Variants in SATL1 observed in about 807,000 individuals in gnomAD.
SATL1 encodes the protein spermidine/spermine N1-acetyl transferase like 1.
In SATL1, 47 loss-of-function variants were observed where a neutral mutation model predicts 51.8. The observed-to-expected ratio is 0.91, with a 90% CI of 0.72 to 1.16. The LOEUF is 1.16. Ranked by LOEUF, SATL1 falls within the 50% of genes most tolerant of loss-of-function variation. SATL1 has a pLI of 0.00. For missense variants in SATL1, 520 were observed against 526.4 expected, an observed-to-expected ratio of 0.99 and a Z score of 0.12; for synonymous variants, 176 against 182.4, an observed-to-expected ratio of 0.97 and a Z score of 0.28.
chrX:85,097,863 G>A (rs764308377), intron 4 of SATL1, among the ~76,000 whole-genome samples: 68 of 111,709 alleles, frequency 6.1e-4, no homozygotes, highest in African/African-American at 2.2e-3. Context: ...GAATCAAAAT[G>A]TTTCACTACA....
intron 2 of SATL1, among the ~76,000 whole-genome samples, chrX:85,194,092 CAT>C (rs1193828872): frequency 1.1e-3 from 124 of 111,908 alleles, no homozygotes; most frequent in African/African-American, 3.8e-3. Flanking sequence ...GAGGAATAAA[CAT>C]AGTACTTTCC....
chrX:85,147,705 G>A (rs1195691850), intron 2 of SATL1, among the ~76,000 whole-genome samples: 1 of 112,002 alleles, frequency 8.9e-6, no homozygotes, highest in Non-Finnish European at 1.9e-5. Flanking sequence ...TGATACCCAG[G>A]GAAACAGGGT....
chrX:85,197,396 C>A (rs1266284096), intron 2 of SATL1, among the ~76,000 whole-genome samples: 2 of 110,698 alleles, frequency 1.8e-5, no homozygotes. Context: ...TATTAATACC[C>A]TTTTAGTTAT....
At chrX:85,241,412 A>T (rs1016305067) in intron 1 of SATL1, among the ~76,000 whole-genome samples, 11 of 111,672 alleles carry the variant, frequency 9.9e-5, no homozygotes, top group African/African-American at 3.3e-4. Flanking sequence ...CTCCACATGT[A>T]TCTCCTGAAT....
chrX:85,233,808 T>A (rs1569251932), intron 1 of SATL1, among the ~76,000 whole-genome samples: 1 of 110,788 alleles, frequency 9.0e-6, no homozygotes. Context: ...ATAGCCTCAA[T>A]AAGGGCAAAT....
chrX:85,225,350 A>T (rs1039170339), intron 1 of SATL1, among the ~76,000 whole-genome samples: 1 of 112,484 alleles, frequency 8.9e-6, no homozygotes, highest in African/African-American at 3.2e-5. Flanking sequence ...GTTCTACAAG[A>T]TGTTCCATTG....
intron 2 of SATL1, among the ~76,000 whole-genome samples, chrX:85,114,256 A>C (rs2147696843): frequency 8.9e-6 from 1 of 112,042 alleles, no homozygotes; most frequent in Non-Finnish European, 1.9e-5. Context: ...TCAATTGTTA[A>C]AAGCTCTAAA....
chrX:85,103,916 C>T lies in SATL1; in HGVS notation c.1642-1G>A. On this transcript the variant is annotated splice_acceptor_variant, in intron 3 of 7. Coordinates refer to ENST00000644105, the MANE Select transcript of SATL1 (RefSeq NM_001367857.2). LOFTEE classifies it high-confidence loss of function. ...GCATGTTTTCACAGGCAGCCAATTC[C>T]TGTCAAAGTAGATAAAACCTTCAGT... The T allele has an allele frequency of 8.6e-7, 1 of 1,167,783 alleles. No homozygotes were observed. The highest frequency in any genetic ancestry group is 1.2e-6 in the Non-Finnish European group (1 of 857,153).
At chrX:85,121,834 A>G (rs751414417) in intron 2 of SATL1, among the ~76,000 whole-genome samples, 68 of 109,517 alleles carry the variant, frequency 6.2e-4, no homozygotes, top group Non-Finnish European at 1.2e-3. Flanking sequence ...AATGTATAAT[A>G]TACTTGAAAA....
intron 2 of SATL1, among the ~76,000 whole-genome samples, chrX:85,186,713 G>C (rs1602898115): frequency 8.9e-6 from 1 of 111,840 alleles, no homozygotes; most frequent in Non-Finnish European, 1.9e-5. Flanking sequence ...CAGGAATCCT[G>C]GATGGGTGGT....
chrX:85,136,279 T>A (rs1213510236), intron 2 of SATL1, among the ~76,000 whole-genome samples: 3 of 111,418 alleles, frequency 2.7e-5, no homozygotes, highest in Non-Finnish European at 5.6e-5. Context: ...CAGTTGGATA[T>A]CTACACTGGA....
intron 2 of SATL1, among the ~76,000 whole-genome samples, chrX:85,181,528 A>G (rs1927203003): frequency 9.1e-6 from 1 of 110,356 alleles, no homozygotes; most frequent in Non-Finnish European, 1.9e-5. Context: ...TGGGGTGTAG[A>G]TGGGTAGGAG....
At chrX:85,151,548 G>A (rs770641326) in intron 2 of SATL1, among the ~76,000 whole-genome samples, 1 of 111,455 alleles carries the variant, frequency 9.0e-6, no homozygotes, top group African/African-American at 3.3e-5. Context: ...GAGGCATCAT[G>A]CTACCTGACT....
intron 4 of SATL1, among the ~76,000 whole-genome samples, chrX:85,095,496 T>C (rs778358286): frequency 1.4e-4 from 15 of 109,996 alleles, no homozygotes; most frequent in Non-Finnish European, 2.8e-4. Context: ...TAAAAACATA[T>C]ATACAGGGGA....
intron 2 of SATL1, among the ~76,000 whole-genome samples, chrX:85,171,723 A>G (rs1274842398): frequency 9.0e-6 from 1 of 111,648 alleles, no homozygotes; most frequent in Non-Finnish European, 1.9e-5. Flanking sequence ...CAAATCATTC[A>G]CTATATGAGG....
At chrX:85,149,290 T>A (rs1926350784) in intron 2 of SATL1, among the ~76,000 whole-genome samples, 1 of 111,336 alleles carries the variant, frequency 9.0e-6, no homozygotes, top group South Asian at 3.8e-4. Context: ...ATGCACCCAA[T>A]ACAGGAGCAC....
rs1385005355 is a variant in SATL1, at chrX:85,094,912, C to T, written c.1774+4G>A. 3 of 1,141,200 alleles carry T rather than the reference C, an allele frequency of 2.6e-6. No homozygotes were observed. Among genetic ancestry groups the T allele is most frequent in the African/African-American group, 3.5e-5 (2 of 56,754 alleles). The allele number at this position is 1,141,200 out of a possible 1,213,427, so 94.0% of individuals were successfully genotyped here. The stretch of plus-strand genomic sequence containing the variant: ...TTGAACTGGAGAAGAAAGGTTTACT[C>T]TACCTGATGGTTTTTGTTGATCGTT... On this transcript the variant is annotated splice_donor_region_variant and intron_variant, in intron 5 of 7. Transcript: ENST00000644105.
At chrX:85,140,632 A>T (rs1051650031) in intron 2 of SATL1, among the ~76,000 whole-genome samples, 3 of 112,270 alleles carry the variant, frequency 2.7e-5, no homozygotes, top group Non-Finnish European at 3.8e-5. Flanking sequence ...ATTGCAGTCC[A>T]CACTGAATTC....
At position 85,197,470 on chromosome X, in the gene SATL1, CTTTA is replaced by C. The variant is rs767059111; in HGVS notation, c.-313+26731_-313+26734del. Among the ~76,000 whole-genome samples the C allele has an allele frequency of 7.4e-5, 8 of 108,082 alleles. No individual in the cohort carries two copies. In the East Asian group the frequency reaches 8.7e-4, roughly 12 times the overall value. The allele number at this position is 108,082 out of a possible 115,157, so 93.9% of individuals were successfully genotyped here. ...TCTGTTATGCTACCAAATACTAGAT[CTTTA>C]TTTATTTATTTATTTATTTATTTTA... On this transcript the variant is annotated intron_variant, in intron 2 of 7. Transcript: ENST00000644105.
Sources: allele counts gnomAD v4.1 joint callset (sites outside exome capture counted in the v4.1 genomes callset), GRCh38; gene constraint gnomAD v4.1.1; transcripts MANE v1.5; gene names NCBI Gene and HGNC (gene_info 2026-07-23, HGNC 2026-07-21).